GRXCR1: variants seen among roughly 807,000 people sequenced by gnomAD.
The protein encoded by GRXCR1 is glutaredoxin domain-containing cysteine-rich protein 1.
In GRXCR1, 27 loss-of-function variants were observed where a neutral mutation model predicts 27.3. The observed-to-expected ratio is 0.99, with a 90% CI of 0.73 to 1.37. The LOEUF is 1.37. Ranked by LOEUF, GRXCR1 falls within the 40% of genes most tolerant of loss-of-function variation. GRXCR1 has a pLI of 0.00. For missense variants in GRXCR1, 379 were observed against 354.4 expected (o/e 1.07, Z -0.56); for synonymous variants, 122 against 131.1 (o/e 0.93, Z 0.47).
At chr4:42,977,011 T>C (rs925736730) in intron 2 of GRXCR1, among the ~76,000 whole-genome samples, 3 of 152,072 alleles carry the variant, frequency 2.0e-5, no homozygotes, top group Non-Finnish European at 4.4e-5. Context: ...CATTCTACTC[T>C]CTACTTTTAT....
rs554985364 is a variant in GRXCR1 at position 42,978,819 on chromosome 4, A to T, written c.627+15685A>T. Among the ~76,000 whole-genome samples the T allele has an allele frequency of 3.1e-3, 463 of 151,282 alleles. 2 individuals carry two copies. The highest frequency in any genetic ancestry group is 0.011 in the African/African-American group (443 of 41,012). ...TTGAATTGTAAGCCTCATAATCCCT[A>T]TAATCCCCCTGGTCAAGAAAGAGAC... On this transcript the variant is annotated intron_variant, in intron 2 of 3. Transcript: ENST00000399770.
intron 1 of GRXCR1, among the ~76,000 whole-genome samples, chr4:42,916,029 T>C (rs1317508084): frequency 6.6e-6 from 1 of 151,148 alleles, no homozygotes; most frequent in East Asian, 1.9e-4. Flanking sequence ...ACTAATCTAG[T>C]ATAAGAATAG....
At chr4:42,897,722 G>A (rs1348390253) in intron 1 of GRXCR1, among the ~76,000 whole-genome samples, 1 of 151,960 alleles carries the variant, frequency 6.6e-6, no homozygotes, top group Non-Finnish European at 1.5e-5. Flanking sequence ...GCTACTGAGA[G>A]GTATGAGCTG....
At chr4:42,939,595 G>T (rs1021868905) in intron 1 of GRXCR1, among the ~76,000 whole-genome samples, 2 of 152,008 alleles carry the variant, frequency 1.3e-5, no homozygotes, top group African/African-American at 4.8e-5. Flanking sequence ...TTAGAGGAAA[G>T]GTTTCCCTCT....
At position 43,018,821 on chromosome 4, in the gene GRXCR1, G is replaced by C. The variant is rs147778270; in HGVS notation, c.628-1533G>C. ...TGTTACCAGTTATTACTACATTTAG[G>C]CTTTAATGTGTTGTCATGGTGCTTT... On this transcript the variant is annotated intron_variant, in intron 2 of 3. Coordinates refer to ENST00000399770, the MANE Select transcript of GRXCR1 (RefSeq NM_001080476.3). Among the ~76,000 whole-genome samples, 1,327 of 152,150 alleles carry C rather than the reference G, an allele frequency of 8.7e-3. 23 individuals are homozygous for C. Among genetic ancestry groups the C allele is most frequent in the East Asian group, 0.031 (162 of 5,178 alleles).
intron 2 of GRXCR1, among the ~76,000 whole-genome samples, chr4:42,992,625 T>C (rs1712011572): frequency 6.6e-6 from 1 of 152,134 alleles, no homozygotes; most frequent in Non-Finnish European, 1.5e-5. Flanking sequence ...GCCGTACTAT[T>C]GCCTCAGGAG....
At chr4:42,987,217 A>AT (rs376399581) in intron 2 of GRXCR1, among the ~76,000 whole-genome samples, 41 of 25,988 alleles carry the variant, frequency 1.6e-3, no homozygotes, top group South Asian at 2.9e-3. Flanking sequence ...TATATTATAT[A>AT]TATATTATAT....
chr4:43,029,070 A>G (rs1395530327), intron 3 of GRXCR1, among the ~76,000 whole-genome samples: 1 of 152,180 alleles, frequency 6.6e-6, no homozygotes, highest in Non-Finnish European at 1.5e-5. Flanking sequence ...TATTAGATTG[A>G]TGTTTTGTAA....
chr4:42,908,958 T>A (rs772837809), intron 1 of GRXCR1, among the ~76,000 whole-genome samples: 8 of 152,064 alleles, frequency 5.3e-5, no homozygotes, highest in Non-Finnish European at 8.8e-5. Context: ...CCCTACTGAG[T>A]CCAGTGGAGA....
chr4:42,940,622 C>G (rs540743782), intron 1 of GRXCR1, among the ~76,000 whole-genome samples: 7 of 152,086 alleles, frequency 4.6e-5, no homozygotes, highest in African/African-American at 1.4e-4. Flanking sequence ...ATAAATGAAT[C>G]AAGGAATAAT....
intron 1 of GRXCR1, among the ~76,000 whole-genome samples, chr4:42,950,704 C>T (rs1418300821): frequency 6.6e-6 from 1 of 152,024 alleles, no homozygotes. Flanking sequence ...TACATATAAT[C>T]CTACAACTCT....
intron 2 of GRXCR1, among the ~76,000 whole-genome samples, chr4:43,009,007 C>A (rs1053295756): frequency 1.2e-4 from 19 of 152,324 alleles, no homozygotes; most frequent in African/African-American, 4.6e-4. Flanking sequence ...CTGGCATTGT[C>A]CTATCCATGG....
At chr4:42,999,216 T>G (rs1190516248) in intron 2 of GRXCR1, among the ~76,000 whole-genome samples, 1 of 152,226 alleles carries the variant, frequency 6.6e-6, no homozygotes, top group Non-Finnish European at 1.5e-5. Flanking sequence ...TGCACTACAG[T>G]CAACCTTGAT....
intron 1 of GRXCR1, among the ~76,000 whole-genome samples, chr4:42,895,999 C>T (rs1746339454): frequency 6.6e-6 from 1 of 152,058 alleles, no homozygotes; most frequent in African/African-American, 2.4e-5. Context: ...ATTAAGGTTT[C>T]AATGCACAGC....
chr4:42,996,594 G>T (rs28444456), intron 2 of GRXCR1, among the ~76,000 whole-genome samples: 2,423 of 151,818 alleles, frequency 0.016, 72 homozygotes, highest in African/African-American at 0.054. Context: ...CAACAGCTTT[G>T]TCTGTGGTCA....
intron 2 of GRXCR1, among the ~76,000 whole-genome samples, chr4:43,018,604 T>A (rs770595641): frequency 7.2e-5 from 11 of 152,088 alleles, no homozygotes; most frequent in African/African-American, 1.4e-4. Context: ...AAGAGCCAGG[T>A]AGGAGATGTG....
chr4:43,013,968 A>T (rs1187825172), intron 2 of GRXCR1, among the ~76,000 whole-genome samples: 2 of 152,034 alleles, frequency 1.3e-5, no homozygotes, highest in Non-Finnish European at 2.9e-5. Flanking sequence ...TGCTGAAAGA[A>T]GTGGCTCAGC....
chr4:43,003,613 G>A (rs574108545), intron 2 of GRXCR1, among the ~76,000 whole-genome samples: 3 of 152,348 alleles, frequency 2.0e-5, no homozygotes, highest in East Asian at 3.9e-4. Flanking sequence ...GGTCACTCTT[G>A]TTATGCTTTA....
intron 2 of GRXCR1, among the ~76,000 whole-genome samples, chr4:42,997,302 G>A (rs1712198875): frequency 6.6e-6 from 1 of 152,188 alleles, no homozygotes; most frequent in Admixed American, 6.5e-5. Flanking sequence ...TGATCACAGA[G>A]TAGATTAGCA....
Sources: allele counts gnomAD v4.1 joint callset (sites outside exome capture counted in the v4.1 genomes callset), GRCh38; gene constraint gnomAD v4.1.1; transcripts MANE v1.5; gene names NCBI Gene and HGNC (gene_info 2026-07-23, HGNC 2026-07-21).